Variants in SPOCK3 observed in about 807,000 individuals in gnomAD.
The protein encoded by SPOCK3 is testican-3.
In SPOCK3, 30 loss-of-function variants were observed where a neutral mutation model predicts 56.6. That is an observed-to-expected ratio of 0.53 (90% confidence interval 0.40 to 0.72). The LOEUF (loss-of-function observed/expected upper bound fraction) is 0.72. SPOCK3 is among the 30% of genes least tolerant of loss of function. SPOCK3 has a pLI of 0.00. For missense variants in SPOCK3, 527 were observed against 530.0 expected (o/e 0.99, Z 0.06); for synonymous variants, 196 against 183.3 (o/e 1.07, Z -0.56).
At chr4:166,931,045 G>C (rs143965153) in intron 4 of SPOCK3, among the ~76,000 whole-genome samples, 2 of 151,992 alleles carry the variant, frequency 1.3e-5, no homozygotes, top group Non-Finnish European at 2.9e-5. Flanking sequence ...GCAGTGGTGC[G>C]ATCTCAGCTC....
chr4:166,915,595 A>G (rs1409270315), intron 4 of SPOCK3, among the ~76,000 whole-genome samples: 1 of 152,146 alleles, frequency 6.6e-6, no homozygotes, highest in African/African-American at 2.4e-5. Flanking sequence ...AGAGAGAGCA[A>G]CGTGTTTCTA....
intron 7 of SPOCK3, among the ~76,000 whole-genome samples, chr4:166,784,879 A>G (rs989680429): frequency 3.3e-5 from 5 of 152,130 alleles, no homozygotes; most frequent in Non-Finnish European, 7.4e-5. Flanking sequence ...GGGATTTTGC[A>G]TATGATGCTA....
intron 6 of SPOCK3, among the ~76,000 whole-genome samples, chr4:166,834,617 T>G (rs1438654874): frequency 6.6e-6 from 1 of 152,200 alleles, no homozygotes; most frequent in Non-Finnish European, 1.5e-5. Flanking sequence ...TTTATTCAAG[T>G]GTGTTTCACA....
At chr4:166,831,479 A>T (rs962980664) in intron 6 of SPOCK3, among the ~76,000 whole-genome samples, 4 of 152,154 alleles carry the variant, frequency 2.6e-5, no homozygotes, top group Non-Finnish European at 5.9e-5. Flanking sequence ...GATAAAAAAG[A>T]TATACGGCTA....
At chr4:166,958,637 G>C in intron 4 of SPOCK3, among the ~76,000 whole-genome samples, 1 of 152,182 alleles carries the variant, frequency 6.6e-6, no homozygotes, top group East Asian at 1.9e-4. Context: ...GTTATATGGA[G>C]AATAATCAGG....
At chr4:167,021,519 C>T (rs540526593) in intron 3 of SPOCK3, among the ~76,000 whole-genome samples, 6 of 151,926 alleles carry the variant, frequency 3.9e-5, no homozygotes, top group African/African-American at 1.4e-4. Context: ...TATCTGGGGA[C>T]TGTGGTAACT....
chr4:167,210,295 T>C (rs1175811115), intron 2 of SPOCK3, among the ~76,000 whole-genome samples: 6 of 152,092 alleles, frequency 3.9e-5, no homozygotes. Flanking sequence ...AAAACACAGA[T>C]TGAGTGTCAT....
intron 3 of SPOCK3, among the ~76,000 whole-genome samples, chr4:167,006,788 C>T (rs756842036): frequency 6.6e-6 from 1 of 152,076 alleles, no homozygotes; most frequent in Admixed American, 6.6e-5. Flanking sequence ...CGCCTCTTTT[C>T]CCAGGCATAT....
intron 6 of SPOCK3, among the ~76,000 whole-genome samples, chr4:166,801,710 T>C (rs1480031413): frequency 6.6e-6 from 1 of 152,208 alleles, no homozygotes; most frequent in Admixed American, 6.5e-5. Context: ...TGCATTGTTT[T>C]ATTTATAATT....
intron 2 of SPOCK3, among the ~76,000 whole-genome samples, chr4:167,088,001 TAA>T (rs1758358282): frequency 6.6e-6 from 1 of 151,942 alleles, no homozygotes. Context: ...ATACTGACAC[TAA>T]GAGAGTTTAT....
At chr4:167,025,410 T>C (rs570397802) in intron 3 of SPOCK3, among the ~76,000 whole-genome samples, 8 of 152,178 alleles carry the variant, frequency 5.3e-5, no homozygotes, top group African/African-American at 1.9e-4. Context: ...AAATACACTA[T>C]ACCTGTGGCC....
chr4:166,943,611 G>C (rs1158850154), intron 4 of SPOCK3, among the ~76,000 whole-genome samples: 3 of 152,034 alleles, frequency 2.0e-5, no homozygotes, highest in Non-Finnish European at 4.4e-5. Flanking sequence ...AAATGTTTAA[G>C]GAAAACTGAA....
chr4:167,109,286 AT>A (rs1248870541), intron 2 of SPOCK3, among the ~76,000 whole-genome samples: 3 of 89,222 alleles, frequency 3.4e-5, no homozygotes, highest in African/African-American at 1.4e-4. Context: ...TTAAGTATTA[AT>A]TATTATAAAT....
chr4:167,037,494 G>A (rs77669583), intron 3 of SPOCK3, among the ~76,000 whole-genome samples: 213 of 141,672 alleles, frequency 1.5e-3, no homozygotes, highest in Middle Eastern at 7.4e-3. Flanking sequence ...AAAAGAAGAA[G>A]AAAAAAAAAA....
chr4:166,954,324 A>G (rs1303128116), intron 4 of SPOCK3, among the ~76,000 whole-genome samples: 1 of 152,042 alleles, frequency 6.6e-6, no homozygotes, highest in Admixed American at 6.6e-5. Flanking sequence ...CCATCTGTCT[A>G]TTCTTGCTTT....
At chr4:166,866,158 C>A (rs10049559) in intron 6 of SPOCK3, among the ~76,000 whole-genome samples, 11,720 of 152,044 alleles carry the variant, frequency 0.077, 543 homozygotes, top group Non-Finnish European at 0.1. Flanking sequence ...TTCAATAAAC[C>A]CTACAAAAAC....
intron 6 of SPOCK3, among the ~76,000 whole-genome samples, chr4:166,855,183 T>G (rs2126886470): frequency 6.6e-6 from 1 of 152,230 alleles, no homozygotes; most frequent in South Asian, 2.1e-4. Context: ...AAGAGAAAAG[T>G]TTCCCCCTGA....
intron 2 of SPOCK3, among the ~76,000 whole-genome samples, chr4:167,062,964 C>G (rs1372618321): frequency 6.6e-6 from 1 of 151,758 alleles, no homozygotes; most frequent in Non-Finnish European, 1.5e-5. Flanking sequence ...TTCATTGTCC[C>G]CTAGTACAAC....
intron 3 of SPOCK3, among the ~76,000 whole-genome samples, chr4:167,022,903 A>G (rs1561130426): frequency 1.3e-5 from 2 of 151,940 alleles, no homozygotes; most frequent in African/African-American, 4.8e-5. Context: ...GAGGAAGCAG[A>G]TTTTTTTGTT....
Sources: allele counts gnomAD v4.1 joint callset (sites outside exome capture counted in the v4.1 genomes callset), GRCh38; gene constraint gnomAD v4.1.1; transcripts MANE v1.5; gene names NCBI Gene and HGNC (gene_info 2026-07-23, HGNC 2026-07-21).